Variants in RALGAPA1 observed in about 807,000 individuals in gnomAD.
RALGAPA1 encodes the protein ral GTPase-activating protein subunit alpha-1.
A neutral mutation model predicts 269.6 loss-of-function variants in RALGAPA1; 52 were observed. That is an observed-to-expected ratio of 0.19 (90% confidence interval 0.15 to 0.24). The LOEUF is 0.24. Ranked by LOEUF, RALGAPA1 falls within the 10% of genes least tolerant of loss-of-function variation. The pLI, the probability that RALGAPA1 is intolerant of heterozygous loss-of-function variation, is 1.00. For synonymous variants in RALGAPA1, 817 were observed against 1,008.3 expected (o/e 0.81, Z 3.60); for missense variants, 1,917 against 3,013.9 (o/e 0.64, Z 8.52).
intron 37 of RALGAPA1, among the ~76,000 whole-genome samples, chr14:35,589,622 T>C (rs939121919): frequency 1.3e-5 from 2 of 152,198 alleles, no homozygotes; most frequent in Admixed American, 1.3e-4. Context: ...TAGTAATATA[T>C]TATTAATTTT....
chr14:35,624,172 A>AC (rs1451858748), intron 35 of RALGAPA1, among the ~76,000 whole-genome samples: 42 of 150,934 alleles, frequency 2.8e-4, no homozygotes, highest in Non-Finnish European at 5.5e-4. Context: ...AAAAAAAAAA[A>AC]AACAACTTGG....
At chr14:35,581,910 T>A (rs1163644570) in intron 37 of RALGAPA1, among the ~76,000 whole-genome samples, 1 of 152,174 alleles carries the variant, frequency 6.6e-6, no homozygotes, top group Admixed American at 6.6e-5. Context: ...AAACAGGGAT[T>A]CAAATAGATA....
At chr14:35,765,808 C>A in intron 4 of RALGAPA1, 1 of 546,034 alleles carries the variant, frequency 1.8e-6, no homozygotes, top group Non-Finnish European at 3.3e-6. Flanking sequence ...AAATTACTGT[C>A]TTACATGTGC....
intron 39 of RALGAPA1, among the ~76,000 whole-genome samples, chr14:35,558,251 C>T (rs1026824593): frequency 2.6e-5 from 4 of 152,118 alleles, no homozygotes; most frequent in Non-Finnish European, 5.9e-5. Flanking sequence ...ACTAATTTAT[C>T]TTTAGTGGAT....
chr14:35,664,865 A>T (rs1226561375), intron 26 of RALGAPA1, 98 bp from the exon 27 acceptor site: 3 of 1,079,516 alleles, frequency 2.8e-6, no homozygotes, highest in Non-Finnish European at 4.0e-6. Context: ...CAGGGAAGTG[A>T]TACATAAAAC....
chr14:35,677,875 A>G (rs1156501152), intron 22 of RALGAPA1, 75 bp downstream of exon 22: 5 of 1,340,474 alleles, frequency 3.7e-6, no homozygotes, highest in Non-Finnish European at 5.3e-6. Context: ...ATCAAATGTA[A>G]GATGCCTTAT....
intron 12 of RALGAPA1, among the ~76,000 whole-genome samples, chr14:35,730,233 G>A (rs921198598): frequency 6.6e-6 from 1 of 152,172 alleles, no homozygotes; most frequent in African/African-American, 2.4e-5. Context: ...GAAATGCCCT[G>A]GGAGCTTGCT....
chr14:35,654,573 G>T (rs1350690640), intron 29 of RALGAPA1, 96 bp from the exon 30 acceptor site: 2 of 1,368,832 alleles, frequency 1.5e-6, no homozygotes, highest in East Asian at 2.8e-5. Flanking sequence ...ACATTTGTAG[G>T]ATTATAAATC....
intron 16 of RALGAPA1, among the ~76,000 whole-genome samples, chr14:35,703,664 G>A (rs185812495): frequency 6.6e-6 from 1 of 151,988 alleles, no homozygotes; most frequent in East Asian, 1.9e-4. Flanking sequence ...AGATCTTTTG[G>A]GATTTACTAA....
At chr14:35,585,194 C>G (rs1262692959) in intron 37 of RALGAPA1, among the ~76,000 whole-genome samples, 1 of 152,166 alleles carries the variant, frequency 6.6e-6, no homozygotes, top group Non-Finnish European at 1.5e-5. Flanking sequence ...GACATAACTT[C>G]AAACTCACAA....
At chr14:35,707,561 T>A (rs1227089105) in intron 16 of RALGAPA1, 1 of 152,250 alleles carries the variant, frequency 6.6e-6, no homozygotes, top group African/African-American at 2.4e-5. Flanking sequence ...ATTGATGTGA[T>A]CATATGGCTT....
At chr14:35,735,779 A>C (rs1488554045) in intron 12 of RALGAPA1, among the ~76,000 whole-genome samples, 1 of 152,224 alleles carries the variant, frequency 6.6e-6, no homozygotes, top group Non-Finnish European at 1.5e-5. Flanking sequence ...AAAAAGAGTA[A>C]GACAAAATTC....
rs1471870316 is a variant in RALGAPA1, at chr14:35,538,597, G to C, written c.*1117C>G. The stretch of plus-strand genomic sequence containing the variant: ...TGTAAGAAAATACTTCTAGAGGGTG[G>C]AATGTATACCAACCTGGACCTGCAA... On this transcript the variant is annotated 3_prime_UTR_variant, in exon 42 of 42. Coordinates refer to ENST00000680220, the MANE Select transcript of RALGAPA1 (RefSeq NM_001346249.2). The C allele has an allele frequency of 6.6e-6, 1 of 152,526 alleles. No homozygotes were observed. The highest frequency in any genetic ancestry group is 1.5e-5 in the Non-Finnish European group (1 of 68,030). 9.4% of individuals were successfully genotyped at this position (152,526 alleles called of 1,614,324 possible).
chr14:35,647,960 T>C (rs1176851236), intron 31 of RALGAPA1, among the ~76,000 whole-genome samples: 1 of 146,970 alleles, frequency 6.8e-6, no homozygotes, highest in East Asian at 2.1e-4. Context: ...AATAAATAAA[T>C]AAATAAATAA....
intron 3 of RALGAPA1, among the ~76,000 whole-genome samples, chr14:35,774,238 G>A (rs1261817428): frequency 3.9e-5 from 6 of 152,064 alleles, no homozygotes; most frequent in Non-Finnish European, 8.8e-5. Context: ...TCTTTAATTA[G>A]CACCAGACAG....
At position 35,808,722 on chromosome 14, in the gene RALGAPA1, C is replaced by T. The variant is rs373712179; in HGVS notation, c.106+8G>A. 10 of 1,610,052 alleles carry T rather than the reference C, an allele frequency of 6.2e-6. No individual in the cohort carries two copies. The African/African-American group carries it at 8.0e-5, about 13-fold the overall frequency. ...CAGGCCTCGGCGCTGCCACCCCTCG[C>T]TCCTCACCGATGACGATGCGCAGGT... On this transcript the variant is annotated splice_region_variant and intron_variant, in intron 1 of 41. Transcript: ENST00000680220.
At chr14:35,754,846 T>C (rs34209074) in intron 7 of RALGAPA1, among the ~76,000 whole-genome samples, 17,645 of 152,184 alleles carry the variant, frequency 0.12, 1,119 homozygotes, top group South Asian at 0.14. Context: ...AATGGAATGC[T>C]ATAAAAGGAG....
intron 37 of RALGAPA1, among the ~76,000 whole-genome samples, chr14:35,586,574 T>C (rs1271518498): frequency 6.6e-6 from 1 of 152,228 alleles, no homozygotes; most frequent in African/African-American, 2.4e-5. Flanking sequence ...CAGTATGACA[T>C]TGGCTGTGGG....
intron 35 of RALGAPA1, among the ~76,000 whole-genome samples, chr14:35,615,068 T>A (rs1046974275): frequency 6.6e-5 from 10 of 152,290 alleles, no homozygotes; most frequent in Admixed American, 6.5e-5. Flanking sequence ...TTTTATATTG[T>A]CATTAGATTA....
Sources: allele counts gnomAD v4.1 joint callset (sites outside exome capture counted in the v4.1 genomes callset), GRCh38; gene constraint gnomAD v4.1.1; transcripts MANE v1.5; gene names NCBI Gene and HGNC (gene_info 2026-07-23, HGNC 2026-07-21).